INPP4B: variants seen among roughly 807,000 people sequenced by gnomAD.
The protein encoded by INPP4B is inositol polyphosphate 4-phosphatase type II.
In INPP4B, 55 loss-of-function variants were observed where a neutral mutation model predicts 122.5. The ratio of observed to expected loss-of-function variants is 0.45; its 90% CI spans 0.36 to 0.56. The LOEUF (loss-of-function observed/expected upper bound fraction) is 0.56. Among genes scored for constraint, INPP4B ranks in the 20% least tolerant of loss-of-function variants. INPP4B has a pLI of 0.00. For missense variants in INPP4B, 1,000 were observed against 1,097.7 expected (o/e 0.91, Z 1.26); for synonymous variants, 403 against 388.7 (o/e 1.04, Z -0.43).
At chr4:142,141,663 A>G (rs1373837393) in intron 18 of INPP4B, among the ~76,000 whole-genome samples, 2 of 152,110 alleles carry the variant, frequency 1.3e-5, no homozygotes, top group Admixed American at 1.3e-4. Context: ...CTTGGTTCTC[A>G]AACAAACAGA....
At chr4:142,487,464 T>C (rs949950398) in intron 2 of INPP4B, among the ~76,000 whole-genome samples, 3 of 152,172 alleles carry the variant, frequency 2.0e-5, no homozygotes, top group Non-Finnish European at 4.4e-5. Flanking sequence ...AAATTTAGTA[T>C]TAGCTTGTCA....
intron 7 of INPP4B, among the ~76,000 whole-genome samples, chr4:142,388,615 A>G (rs911377540): frequency 6.6e-6 from 1 of 152,134 alleles, no homozygotes; most frequent in African/African-American, 2.4e-5. Flanking sequence ...TCTGTTTTGT[A>G]TTGAGTTATC....
chr4:142,568,611 G>C (rs1560812347), intron 2 of INPP4B, among the ~76,000 whole-genome samples: 1 of 151,950 alleles, frequency 6.6e-6, no homozygotes, highest in Non-Finnish European at 1.5e-5. Context: ...ATCCAAATTA[G>C]AACTGTGACA....
intron 2 of INPP4B, among the ~76,000 whole-genome samples, chr4:142,724,428 C>T (rs1013624067): frequency 6.6e-6 from 1 of 152,048 alleles, no homozygotes; most frequent in African/African-American, 2.4e-5. Flanking sequence ...TGCCATCTTC[C>T]ATTGAGTTGC....
In INPP4B at chr4:142,066,463, A is replaced by G. The variant is rs139453259; in HGVS notation, c.2642+15568T>C. On this transcript the variant is annotated intron_variant, in intron 25 of 25. Coordinates refer to ENST00000262992, the MANE Select transcript of INPP4B (RefSeq NM_001101669.3). ...CACTGATTGCTGGACCCACGTGTGG[A>G]GTTTCTGGTCCAGTAGTTCTGGGAA... 6.6e-4 allele frequency among the ~76,000 whole-genome samples: 101 copies of G among 152,288 alleles called. 1 individual carries two copies. The East Asian group carries it at 0.018, about 28-fold the overall frequency.
intron 1 of INPP4B, among the ~76,000 whole-genome samples, chr4:142,763,164 T>G (rs183332777): frequency 1.3e-5 from 2 of 152,340 alleles, no homozygotes; most frequent in Admixed American, 1.3e-4. Flanking sequence ...TTAATTTCTC[T>G]AAGCATCAGT....
At chr4:142,282,018 T>A (rs1292061628) in intron 9 of INPP4B, among the ~76,000 whole-genome samples, 1 of 152,002 alleles carries the variant, frequency 6.6e-6, no homozygotes, top group Non-Finnish European at 1.5e-5. Context: ...AGAACAAAAT[T>A]CTCTGCCCGC....
intron 12 of INPP4B, among the ~76,000 whole-genome samples, chr4:142,224,844 A>G (rs1477101420): frequency 6.6e-6 from 1 of 152,068 alleles, no homozygotes; most frequent in African/African-American, 2.4e-5. Context: ...ACATTTGCAA[A>G]CTGTGATATC....
chr4:142,174,555 AC>A (rs1294199302), intron 15 of INPP4B, among the ~76,000 whole-genome samples: 1 of 152,094 alleles, frequency 6.6e-6, no homozygotes, highest in African/African-American at 2.4e-5. Flanking sequence ...TTATCACGAC[AC>A]TTTTTCTTCT....
intron 1 of INPP4B, among the ~76,000 whole-genome samples, chr4:142,801,064 G>A (rs1472682708): frequency 6.6e-6 from 1 of 151,946 alleles, no homozygotes; most frequent in Admixed American, 6.6e-5. Context: ...ACAGATCAAA[G>A]GGCCTTACAT....
At chr4:142,097,225 T>TTTTATTTTATGTTATTTTATTTTATTTTA (rs70949153) in intron 23 of INPP4B, among the ~76,000 whole-genome samples, 5 of 135,482 alleles carry the variant, frequency 3.7e-5, no homozygotes, top group Admixed American at 7.6e-5. Flanking sequence ...TTTTATGTTA[T>TTTTATTTTATGTTATTTTATTTTATTTTA]TTTTATTTTA....
At chr4:142,558,662 G>T (rs910108553) in intron 2 of INPP4B, among the ~76,000 whole-genome samples, 2 of 148,600 alleles carry the variant, frequency 1.3e-5, no homozygotes, top group Non-Finnish European at 3.0e-5. Flanking sequence ...TGTTGGGGGG[G>T]CAGTGTGGGG....
chr4:142,140,323 G>T (rs988627197), intron 18 of INPP4B, among the ~76,000 whole-genome samples: 1 of 152,148 alleles, frequency 6.6e-6, no homozygotes, highest in Non-Finnish European at 1.5e-5. Context: ...AGGATATTTG[G>T]CCTTTTACAG....
At chr4:142,213,898 A>G (rs181074011) in intron 12 of INPP4B, among the ~76,000 whole-genome samples, 2 of 152,246 alleles carry the variant, frequency 1.3e-5, no homozygotes, top group East Asian at 3.9e-4. Flanking sequence ...AGTCACAGGG[A>G]ACTCTCGAGG....
At chr4:142,262,554 CT>C (rs1740613785) in intron 10 of INPP4B, among the ~76,000 whole-genome samples, 3 of 152,068 alleles carry the variant, frequency 2.0e-5, no homozygotes, top group Admixed American at 2.0e-4. Context: ...TTTACCCTAT[CT>C]TTTTTTCTAT....
chr4:142,527,392 C>A (rs916486912), intron 2 of INPP4B, among the ~76,000 whole-genome samples: 6 of 151,838 alleles, frequency 4.0e-5, no homozygotes, highest in African/African-American at 1.2e-4. Context: ...AACATATTTA[C>A]AATATATTTC....
At chr4:142,719,904 G>A (rs1484938999) in intron 2 of INPP4B, among the ~76,000 whole-genome samples, 2 of 152,112 alleles carry the variant, frequency 1.3e-5, no homozygotes, top group Admixed American at 1.3e-4. Context: ...TGTGGATGCC[G>A]AAAAATTAAT....
At chr4:142,518,211 A>G (rs1465552660) in intron 2 of INPP4B, among the ~76,000 whole-genome samples, 1 of 152,130 alleles carries the variant, frequency 6.6e-6, no homozygotes, top group Non-Finnish European at 1.5e-5. Flanking sequence ...AAAGTCAGAA[A>G]CCCTAAATAT....
intron 1 of INPP4B, among the ~76,000 whole-genome samples, chr4:142,764,751 C>T (rs1431412483): frequency 6.6e-6 from 1 of 151,860 alleles, no homozygotes; most frequent in Non-Finnish European, 1.5e-5. Context: ...TCAAGATCTA[C>T]TCTGAAGACA....
Sources: gnomAD v4.1 joint callset for allele counts (sites outside exome capture counted in the v4.1 genomes callset) on GRCh38, gnomAD v4.1.1 for gene constraint, MANE v1.5 for transcripts, NCBI Gene and HGNC (gene_info 2026-07-23, HGNC 2026-07-21) for gene names.